TIAM1: variants seen among roughly 807,000 people sequenced by gnomAD.
TIAM1 encodes TIAM Rac1 associated GEF 1, also known as rho guanine nucleotide exchange factor TIAM1.
In TIAM1, 65 loss-of-function variants were observed where a neutral mutation model predicts 163.5. That is an observed-to-expected ratio of 0.40 (90% CI 0.33 to 0.49). TIAM1 has a LOEUF of 0.49. Among genes scored for constraint, TIAM1 ranks in the 20% least tolerant of loss-of-function variants. The probability of loss-of-function intolerance (pLI) is 0.77; values close to 1 mark genes in which losing one functional copy is unlikely to be tolerated. For synonymous variants in TIAM1, 833 were observed against 810.1 expected (o/e 1.03, Z -0.48); for missense variants, 1,789 against 2,044.7 (o/e 0.87, Z 2.41).
chr21:31,148,827 G>A (rs2083250170), intron 19 of TIAM1, among the ~76,000 whole-genome samples: 1 of 152,174 alleles, frequency 6.6e-6, no homozygotes, highest in Non-Finnish European at 1.5e-5. Flanking sequence ...ACAGGCTGAC[G>A]TACATTGCAA....
chr21:31,498,895 G>A (rs899994072), intron 1 of TIAM1, among the ~76,000 whole-genome samples: 8 of 149,764 alleles, frequency 5.3e-5, no homozygotes, highest in African/African-American at 1.7e-4. Flanking sequence ...GCAGTGAGCC[G>A]AGATCATGCC....
chr21:31,231,210 C>T (rs972907933), intron 6 of TIAM1, among the ~76,000 whole-genome samples: 1 of 152,176 alleles, frequency 6.6e-6, no homozygotes, highest in African/African-American at 2.4e-5. Flanking sequence ...TGGAGCCAGC[C>T]TCGATCATGC....
intron 10 of TIAM1, chr21:31,213,176 T>C (rs944736822): frequency 1.5e-5 from 7 of 469,574 alleles, no homozygotes; most frequent in Admixed American, 1.2e-4. Flanking sequence ...ATGGTAAGTA[T>C]GGGAAATGTT....
chr21:31,541,112 T>G (rs1288083819), intron 1 of TIAM1, among the ~76,000 whole-genome samples: 1 of 152,138 alleles, frequency 6.6e-6, no homozygotes, highest in Non-Finnish European at 1.5e-5. Context: ...TCCTGGGAAT[T>G]TATCCTGAGA....
chr21:31,218,253 T>C (rs1054896622), intron 8 of TIAM1, among the ~76,000 whole-genome samples: 7 of 152,194 alleles, frequency 4.6e-5, no homozygotes, highest in African/African-American at 1.7e-4. Context: ...ATCCATTCTC[T>C]ATTCCATCTT....
intron 6 of TIAM1, among the ~76,000 whole-genome samples, chr21:31,234,489 T>C (rs1482176418): frequency 4.0e-5 from 6 of 151,892 alleles, no homozygotes; most frequent in African/African-American, 9.7e-5. Flanking sequence ...CTATGAAGGA[T>C]CAGAACACCA....
intron 16 of TIAM1, among the ~76,000 whole-genome samples, chr21:31,159,306 C>T (rs1221449565): frequency 6.6e-6 from 1 of 152,064 alleles, no homozygotes; most frequent in Non-Finnish European, 1.5e-5. Context: ...GTTTATAATG[C>T]TGCTTTCCTC....
chr21:31,506,224 A>G (rs916577096), intron 1 of TIAM1, among the ~76,000 whole-genome samples: 3 of 148,738 alleles, frequency 2.0e-5, no homozygotes, highest in Non-Finnish European at 4.4e-5. Context: ...CCCATCCCTA[A>G]TAGCACTCTC....
intron 1 of TIAM1, among the ~76,000 whole-genome samples, chr21:31,554,070 G>T (rs2048787853): frequency 6.6e-6 from 1 of 152,160 alleles, no homozygotes; most frequent in African/African-American, 2.4e-5. Flanking sequence ...AGGGACAGTG[G>T]AAGGGAGGCA....
At chr21:31,237,601 C>A (rs2070960625) in intron 6 of TIAM1, among the ~76,000 whole-genome samples, 1 of 152,160 alleles carries the variant, frequency 6.6e-6, no homozygotes, top group Non-Finnish European at 1.5e-5. Flanking sequence ...TTTTAATATG[C>A]ATACAATACC....
At chr21:31,156,853 A>G (rs2083649959) in intron 16 of TIAM1, among the ~76,000 whole-genome samples, 1 of 152,198 alleles carries the variant, frequency 6.6e-6, no homozygotes. Flanking sequence ...TGGCAAAGGC[A>G]CCTAACACAA....
At chr21:31,381,691 A>T (rs2076781609) in intron 2 of TIAM1, among the ~76,000 whole-genome samples, 1 of 151,954 alleles carries the variant, frequency 6.6e-6, no homozygotes, top group Non-Finnish European at 1.5e-5. Flanking sequence ...AAATAGCCAG[A>T]CATGGTGGTG....
intron 16 of TIAM1, 41 bp downstream of exon 16, chr21:31,164,921 A>G (rs2084131703): frequency 2.5e-6 from 4 of 1,586,578 alleles, no homozygotes; most frequent in Non-Finnish European, 3.5e-6. Context: ...GTGATTCTTC[A>G]GTGGTTCAAA....
At chr21:31,281,198 T>G (rs2073549556) in intron 2 of TIAM1, among the ~76,000 whole-genome samples, 1 of 151,812 alleles carries the variant, frequency 6.6e-6, no homozygotes, top group African/African-American at 2.4e-5. Context: ...AAAAGGATAC[T>G]GTATTGTATT....
intron 27 of TIAM1, chr21:31,123,808 C>T (rs1394146684): frequency 6.6e-6 from 1 of 152,156 alleles, no homozygotes; most frequent in Non-Finnish European, 1.5e-5. Flanking sequence ...AGCCTTCTTC[C>T]TAGATACATT....
In TIAM1 at chr21:31,217,507, A is replaced by G. The variant is rs750314473; in HGVS notation, c.2142+46T>C. ...ACACACCCCAAATTGAGGTGGCCAC[A>G]GAAGTGATTTGTGCGGGCTCACTTT... On this transcript the variant is annotated intron_variant, in intron 9 of 27. Transcript: ENST00000541036. 11 of 1,590,868 alleles carry G rather than the reference A, an allele frequency of 6.9e-6. No homozygotes were observed. The Admixed American group carries it at 1.9e-4, about 28-fold the overall frequency.
At chr21:31,225,636 G>A in intron 7 of TIAM1, 90 bp downstream of exon 7, 1 of 1,049,528 alleles carries the variant, frequency 9.5e-7, no homozygotes, top group Non-Finnish European at 1.4e-6. Flanking sequence ...ATCCGATGAT[G>A]TTTCACGATT....
At chr21:31,210,761 A>G (rs1569034420) in intron 10 of TIAM1, among the ~76,000 whole-genome samples, 7 of 115,596 alleles carry the variant, frequency 6.1e-5, no homozygotes. Flanking sequence ...AAAGAAAGAA[A>G]GAAAGAAAGA....
intron 13 of TIAM1, among the ~76,000 whole-genome samples, chr21:31,191,951 C>T (rs945110997): frequency 4.6e-5 from 7 of 152,192 alleles, no homozygotes; most frequent in African/African-American, 1.7e-4. Context: ...ATTAAGTAAA[C>T]TGAAGAGAAA....
Sources: gnomAD v4.1 joint callset for allele counts (sites outside exome capture counted in the v4.1 genomes callset) on GRCh38, gnomAD v4.1.1 for gene constraint, MANE v1.5 for transcripts, NCBI Gene and HGNC (gene_info 2026-07-23, HGNC 2026-07-21) for gene names.